Variants in CDH4 observed in about 807,000 individuals in gnomAD.
CDH4 encodes the protein cadherin-4.
In CDH4, 33 loss-of-function variants were observed where a neutral mutation model predicts 86.0. The ratio of observed to expected loss-of-function variants is 0.38; its 90% CI spans 0.29 to 0.51. CDH4 has a LOEUF of 0.51. Among genes scored for constraint, CDH4 ranks in the 20% least tolerant of loss-of-function variants. The pLI is 0.86. For missense variants in CDH4, 1,114 were observed against 1,307.4 expected (o/e 0.85, Z 2.28); for synonymous variants, 555 against 549.4 (o/e 1.01, Z -0.14).
chr20:61,792,957 T>TTTTTTG (rs148837229), intron 4 of CDH4, among the ~76,000 whole-genome samples: 44,368 of 146,838 alleles, frequency 0.3, 6,985 homozygotes, highest in East Asian at 0.41. Flanking sequence ...CCTATGTGTT[T>TTTTTTG]TTTTTGTTTT....
chr20:61,756,681 G>A (rs564339692), intron 3 of CDH4, among the ~76,000 whole-genome samples: 1 of 152,162 alleles, frequency 6.6e-6, no homozygotes, highest in East Asian at 1.9e-4. Flanking sequence ...TGGCATTGCA[G>A]GGAAGCATCC....
At chr20:61,935,939 A>AAATT (rs2055177953) in intron 15 of CDH4, among the ~76,000 whole-genome samples, 1 of 152,138 alleles carries the variant, frequency 6.6e-6, no homozygotes, top group South Asian at 2.1e-4. Flanking sequence ...GTCTTAGGAG[A>AAATT]AATTAAAAAT....
chr20:61,422,296 TG>T (rs11321292), intron 2 of CDH4, among the ~76,000 whole-genome samples: 48,381 of 151,048 alleles, frequency 0.32, 8,185 homozygotes, highest in East Asian at 0.54. Flanking sequence ...TGGTAGTGCA[TG>T]CCTGTAATCC....
intron 2 of CDH4, among the ~76,000 whole-genome samples, chr20:61,716,853 A>G (rs375493806): frequency 6.6e-6 from 1 of 152,308 alleles, no homozygotes. Flanking sequence ...GGTTGCAGGG[A>G]GCTGAGATCC....
intron 4 of CDH4, among the ~76,000 whole-genome samples, chr20:61,804,165 G>C (rs955318801): frequency 6.6e-6 from 1 of 152,258 alleles, no homozygotes; most frequent in African/African-American, 2.4e-5. Context: ...GGTCCTGCCT[G>C]CATGGCGGCC....
chr20:61,525,916 A>C (rs910008048), intron 2 of CDH4, among the ~76,000 whole-genome samples: 15 of 152,154 alleles, frequency 9.9e-5, no homozygotes, highest in Non-Finnish European at 1.9e-4. Flanking sequence ...TGCCATCCCC[A>C]CTGACCCTGT....
chr20:61,855,213 G>T (rs1330686665), intron 6 of CDH4, among the ~76,000 whole-genome samples: 2 of 151,378 alleles, frequency 1.3e-5, no homozygotes, highest in African/African-American at 2.4e-5. Flanking sequence ...CAGGGCTGCA[G>T]TGTGAACAGG....
Position 61,392,081 on chromosome 20 carries a change from G to T in CDH4, c.169+137144G>T, listed in dbSNP as rs1397509307. ...TGCCGTGGGTTTCAGCATCGCGGGG[G>T]CTGTGGAGAAAGGCCTAGAGAGCTT... On this transcript the variant is annotated intron_variant, in intron 2 of 15. Transcript: ENST00000614565. This position sits in a 1 kb window ranked among gnomAD's most constrained non-coding sequence, Gnocchi z 5.7. 1.3e-5 allele frequency among the ~76,000 whole-genome samples: 2 copies of T among 152,104 alleles called. No homozygotes were observed. The highest frequency in any genetic ancestry group is 2.4e-5 in the African/African-American group (1 of 41,424).
intron 2 of CDH4, among the ~76,000 whole-genome samples, chr20:61,651,419 C>T (rs1054727789): frequency 1.2e-4 from 19 of 152,240 alleles, no homozygotes; most frequent in Non-Finnish European, 2.2e-4. Context: ...CCGGGAGCAC[C>T]CTTGTGCCTG....
chr20:61,461,014 T>C (rs1034690799), intron 2 of CDH4, among the ~76,000 whole-genome samples: 1 of 152,288 alleles, frequency 6.6e-6, no homozygotes, highest in East Asian at 1.9e-4. Context: ...GCCGCCTGTT[T>C]CCAGGGCCAT....
At chr20:61,605,752 G>T (rs2086640043) in intron 2 of CDH4, among the ~76,000 whole-genome samples, 1 of 152,234 alleles carries the variant, frequency 6.6e-6, no homozygotes, top group African/African-American at 2.4e-5. Flanking sequence ...TAAGCAGATT[G>T]CCGTGAGAAG....
At chr20:61,522,660 G>T (rs115659580) in intron 2 of CDH4, among the ~76,000 whole-genome samples, 7,080 of 152,272 alleles carry the variant, frequency 0.046, 506 homozygotes, top group African/African-American at 0.16. Context: ...CTGCACGCAC[G>T]GCGCAGTCCG....
intron 2 of CDH4, among the ~76,000 whole-genome samples, chr20:61,493,681 G>C (rs1394997513): frequency 6.6e-6 from 1 of 152,186 alleles, no homozygotes; most frequent in African/African-American, 2.4e-5. Context: ...TAGTGGTCTT[G>C]TCTGGTTTAG....
chr20:61,908,999 G>A (rs1024733220), intron 8 of CDH4, among the ~76,000 whole-genome samples: 4 of 152,210 alleles, frequency 2.6e-5, no homozygotes, highest in East Asian at 3.9e-4. Flanking sequence ...ACACCCTAAC[G>A]GCCTTGTTTT....
intron 2 of CDH4, chr20:61,717,478 GTT>G (rs11479134): frequency 6.6e-6 from 1 of 151,964 alleles, no homozygotes; most frequent in South Asian, 2.1e-4. Context: ...TTTTGTCGTT[GTT>G]TTTTTGTTTG....
intron 2 of CDH4, among the ~76,000 whole-genome samples, chr20:61,341,170 A>G (rs779056357): frequency 7.8e-4 from 118 of 152,200 alleles, no homozygotes; most frequent in Admixed American, 1.2e-3. Flanking sequence ...TCAAGATGTG[A>G]GTGCTGTTGC....
chr20:61,331,626 T>TCCTGCCCCGGCCA (rs1297962886), intron 2 of CDH4, among the ~76,000 whole-genome samples: 2,334 of 33,052 alleles, frequency 0.071, 2 homozygotes, highest in African/African-American at 0.12. Context: ...CAGGCCCACC[T>TCCTGCCCCGGCCA]CCTGCCCCAG....
chr20:61,658,202 G>A (rs1401954157), intron 2 of CDH4, among the ~76,000 whole-genome samples: 6 of 151,946 alleles, frequency 3.9e-5, no homozygotes, highest in Non-Finnish European at 5.9e-5. Flanking sequence ...TGCAACCCCC[G>A]AGCCATCCTC....
At chr20:61,658,674 G>C (rs1310367079) in intron 2 of CDH4, among the ~76,000 whole-genome samples, 2 of 152,216 alleles carry the variant, frequency 1.3e-5, no homozygotes, top group African/African-American at 4.8e-5. Flanking sequence ...CACCAGCTGG[G>C]GCCCGGGCTT....
Sources: allele counts gnomAD v4.1 joint callset (sites outside exome capture counted in the v4.1 genomes callset), GRCh38; gene constraint gnomAD v4.1.1; non-coding constraint Gnocchi (gnomAD v3.1); transcripts MANE v1.5; gene names NCBI Gene and HGNC (gene_info 2026-07-23, HGNC 2026-07-21).